The following NFATC2 variants were observed in gnomAD, a reference collection of about 807,000 sequenced individuals.
NFATC2 encodes the protein nuclear factor of activated T cells 2.
A neutral mutation model predicts 87.3 loss-of-function variants in NFATC2; 22 were observed. That is an observed-to-expected ratio of 0.25 (90% CI 0.18 to 0.36). NFATC2 has a LOEUF of 0.36. Among genes scored for constraint, NFATC2 ranks in the 10% least tolerant of loss-of-function variants. The pLI is 1.00. For missense variants in NFATC2, 1,149 were observed against 1,259.1 expected (o/e 0.91, Z 1.32); for synonymous variants, 565 against 542.2 (o/e 1.04, Z -0.58).
intron 10 of NFATC2, among the ~76,000 whole-genome samples, chr20:51,397,670 A>G (rs1175456984): frequency 6.6e-6 from 1 of 152,176 alleles, no homozygotes; most frequent in Non-Finnish European, 1.5e-5. Flanking sequence ...GGACAGTGGC[A>G]GATGGCTGGA....
chr20:51,387,392 T>A lies in NFATC2; in HGVS notation c.*4104A>T, dbSNP rs1985878416. On this transcript the variant is annotated 3_prime_UTR_variant, in exon 11 of 11. Coordinates refer to ENST00000371564, the MANE Select transcript of NFATC2 (RefSeq NM_012340.5). The stretch of plus-strand genomic sequence containing the variant: ...TTATTCTGGTCAGCCAACAGCTGCA[T>A]AAAGGTAGAATGTTAATAACCCTTT... 2 of 152,210 alleles carry A rather than the reference T, an allele frequency of 1.3e-5. No individual in the cohort carries two copies. The highest frequency in any genetic ancestry group is 4.1e-4 in the South Asian group (2 of 4,826). The allele number at this position is 152,210 out of a possible 1,614,324, so 9.4% of individuals were successfully genotyped here.
chr20:51,394,752 C>CCCA (rs1986810789), intron 10 of NFATC2, among the ~76,000 whole-genome samples: 1 of 152,168 alleles, frequency 6.6e-6, no homozygotes, highest in African/African-American at 2.4e-5. Flanking sequence ...GGTGCTGAAC[C>CCCA]ACTCTCCTGT....
intron 1 of NFATC2, among the ~76,000 whole-genome samples, chr20:51,550,901 A>G (rs968820444): frequency 5.9e-5 from 9 of 152,350 alleles, no homozygotes; most frequent in East Asian, 3.9e-4. Flanking sequence ...GTCAAACATC[A>G]TAAGTCAGAG....
intron 6 of NFATC2, among the ~76,000 whole-genome samples, chr20:51,444,637 G>A (rs1984811243): frequency 6.6e-6 from 1 of 152,172 alleles, no homozygotes; most frequent in South Asian, 2.1e-4. Context: ...GGCGAATGGG[G>A]AGGAAATCAA....
intron 6 of NFATC2, among the ~76,000 whole-genome samples, chr20:51,444,888 A>C (rs1358370032): frequency 6.6e-6 from 1 of 151,838 alleles, no homozygotes; most frequent in South Asian, 2.1e-4. Context: ...ACAGGGTAAC[A>C]CTGCTCAAAT....
At chr20:51,522,891 A>G (rs1223084532) in intron 2 of NFATC2, among the ~76,000 whole-genome samples, 190 bp downstream of exon 2, 1 of 152,224 alleles carries the variant, frequency 6.6e-6, no homozygotes, top group Non-Finnish European at 1.5e-5. Context: ...TACCCATTTT[A>G]CAGATGAGAA....
At chr20:51,492,493 C>A (rs1256321977) in intron 3 of NFATC2, among the ~76,000 whole-genome samples, 1 of 152,260 alleles carries the variant, frequency 6.6e-6, no homozygotes, top group Non-Finnish European at 1.5e-5. Context: ...CCCCGCCCAG[C>A]CTCATTTAAT....
At chr20:51,442,179 C>G (rs6021207) in intron 6 of NFATC2, among the ~76,000 whole-genome samples, 1 of 152,122 alleles carries the variant, frequency 6.6e-6, no homozygotes, top group Non-Finnish European at 1.5e-5. Context: ...CGCCTGTAAT[C>G]CCAGCACTTT....
chr20:51,542,492 G>T lies in NFATC2; in HGVS notation c.8C>A (p.Ala3Asp). Residue 3 changes from alanine to aspartate, a missense_variant, in exon 1 of 11, where the codon GCC becomes GAC. By Grantham distance (126) the Ala-to-Asp change is moderately radical. This residue lies in a region of NFATC2 where 563 missense variants were observed against 585.2 expected (regional missense o/e 0.96). Coordinates refer to ENST00000371564, the MANE Select transcript of NFATC2 (RefSeq NM_012340.5). MN[A>D]PERQPQPDGG... ...GTCGGGTTGGGGCTGCCGCTCGGGGGCGTTCATGGCGCGCAGGGCGGGAAG... is the reference window on the plus strand; with the variant it reads ...GTCGGGTTGGGGCTGCCGCTCGGGGTCGTTCATGGCGCGCAGGGCGGGAAG... The T allele has an allele frequency of 6.6e-7, 1 of 1,510,400 alleles. No homozygotes were observed. Among genetic ancestry groups the T allele is most frequent in the Non-Finnish European group, 8.8e-7 (1 of 1,137,984 alleles). The allele number at this position is 1,510,400 out of a possible 1,614,324, so 93.6% of individuals were successfully genotyped here. A position where few individuals can be genotyped will look rare whatever the true frequency, so the allele number is the denominator to read the frequency against.
chr20:51,418,508 C>T (rs1472881210), intron 9 of NFATC2, among the ~76,000 whole-genome samples: 6 of 152,172 alleles, frequency 3.9e-5, no homozygotes, highest in Non-Finnish European at 8.8e-5. Flanking sequence ...GAAAGACTTG[C>T]TTCAAGAGAA....
At chr20:51,468,251 T>C (rs1217973853) in intron 5 of NFATC2, among the ~76,000 whole-genome samples, 2 of 152,204 alleles carry the variant, frequency 1.3e-5, no homozygotes. Flanking sequence ...CGTGGGTATA[T>C]GCGATTGTCA....
At chr20:51,444,761 C>T (rs936365986) in intron 6 of NFATC2, among the ~76,000 whole-genome samples, 2 of 152,194 alleles carry the variant, frequency 1.3e-5, no homozygotes, top group African/African-American at 2.4e-5. Context: ...TTTATGACTG[C>T]TAACTAGCAG....
chr20:51,486,749 A>T (rs1307415895), intron 3 of NFATC2, among the ~76,000 whole-genome samples: 1 of 152,022 alleles, frequency 6.6e-6, no homozygotes, highest in African/African-American at 2.4e-5. Flanking sequence ...TTGCCGAGTG[A>T]TTCATTCTCC....
At chr20:51,545,748 T>C (rs2076884138), upstream of NFATC2, among the ~76,000 whole-genome samples, 1 of 151,604 alleles carries the variant, frequency 6.6e-6, no homozygotes, top group African/African-American at 2.4e-5. Flanking sequence ...GGATGGATGA[T>C]GGATGGAGGA....
intron 3 of NFATC2, among the ~76,000 whole-genome samples, chr20:51,491,326 T>C (rs1337418474): frequency 6.6e-6 from 1 of 151,494 alleles, no homozygotes; most frequent in Non-Finnish European, 1.5e-5. Context: ...TGTATAAAAA[T>C]GTAATGTATT....
At chr20:51,423,592 A>G (rs1981302223) in intron 9 of NFATC2, among the ~76,000 whole-genome samples, 1 of 152,160 alleles carries the variant, frequency 6.6e-6, no homozygotes, top group African/African-American at 2.4e-5. Context: ...GGAGCACCTC[A>G]CTCTTTCACA....
At position 51,387,269 on chromosome 20, in the gene NFATC2, G is replaced by C. The variant is rs542262394; in HGVS notation, c.*4227C>G. 1 of 152,136 alleles carries C rather than the reference G, an allele frequency of 6.6e-6. No homozygotes were observed. Among genetic ancestry groups the C allele is most frequent in the South Asian group, 2.1e-4 (1 of 4,836 alleles). The allele number at this position is 152,136 out of a possible 1,614,324, so 9.4% of individuals were successfully genotyped here. A position where few individuals can be genotyped will look rare whatever the true frequency, so the allele number is the denominator to read the frequency against. On this transcript the variant is annotated 3_prime_UTR_variant, in exon 11 of 11. Transcript: ENST00000371564. ...AGCTTGTCCCAACAGCCATAGCCTCGGTCTGCTCAGGCCAATCAGAATGCT... is the reference window on the plus strand; with the variant it reads ...AGCTTGTCCCAACAGCCATAGCCTCCGTCTGCTCAGGCCAATCAGAATGCT...
chr20:51,523,092 A>C lies in NFATC2; in HGVS notation c.1149T>G (p.Ile383Met). ...AAAGCCCTGCTCACCTGCAGATGGG[A>C]ATGGCAGGCACCAGCGGCTTGGGCC... ...PTWPKPLVPA[I>M]PICSIPVTAS... The change falls in exon 2 of 11, where the codon ATT becomes ATG. Residue 383 changes from isoleucine to methionine, a missense_variant. Ile to Met is a conservative substitution (Grantham distance 10, BLOSUM62 1). Coordinates refer to ENST00000371564, the MANE Select transcript of NFATC2 (RefSeq NM_012340.5). The surrounding 1 kb of genome is among the most constrained non-coding windows in gnomAD (Gnocchi z 6.9). 6.2e-7 allele frequency: 1 copy of C among 1,614,224 alleles called. No homozygotes were observed. Among genetic ancestry groups the C allele is most frequent in the Non-Finnish European group, 8.5e-7 (1 of 1,180,044 alleles).
intron 10 of NFATC2, among the ~76,000 whole-genome samples, chr20:51,396,429 C>T (rs1987154721): frequency 1.3e-5 from 2 of 152,130 alleles, no homozygotes; most frequent in South Asian, 4.1e-4. Flanking sequence ...CACTCTAGGC[C>T]CTTTCCCTTT....
Sources: allele counts gnomAD v4.1 joint callset (sites outside exome capture counted in the v4.1 genomes callset), GRCh38; gene constraint gnomAD v4.1.1; regional missense constraint gnomAD v4.1.1; non-coding constraint Gnocchi (gnomAD v3.1); transcripts MANE v1.5; gene names NCBI Gene and HGNC (gene_info 2026-07-23, HGNC 2026-07-21).